SP100: variants seen among roughly 807,000 people sequenced by gnomAD.
The protein encoded by SP100 is SP100 nuclear body protein.
SP100 carries 84 observed loss-of-function variants against 130.0 expected under a neutral mutation model. The observed-to-expected ratio is 0.65, with a 90% CI of 0.54 to 0.77. The LOEUF is 0.77. Ranked by LOEUF, SP100 falls within the 30% of genes least tolerant of loss-of-function variation. The probability of loss-of-function intolerance (pLI) is 0.00; values close to 1 mark genes in which losing one functional copy is unlikely to be tolerated. For synonymous variants in SP100, 331 were observed against 351.7 expected, an observed-to-expected ratio of 0.94 and a Z score of 0.66; for missense variants, 978 against 1,052.2, an observed-to-expected ratio of 0.93 and a Z score of 0.97.
At chr2:230,462,081 A>C in intron 9 of SP100, among the ~76,000 whole-genome samples, 1 of 152,120 alleles carries the variant, frequency 6.6e-6, no homozygotes, top group Non-Finnish European at 1.5e-5. Flanking sequence ...CATCAAGACA[A>C]AGAGAGGTAT....
At chr2:230,443,594 G>C (rs556705812) in intron 3 of SP100, among the ~76,000 whole-genome samples, 232 of 152,294 alleles carry the variant, frequency 1.5e-3, no homozygotes, top group Non-Finnish European at 3.0e-3. Flanking sequence ...GTAGATGCTT[G>C]TTATTCTTTC....
rs1460405848 is a variant in SP100 at position 230,451,237 on chromosome 2, G to A, written c.820+982G>A. Among the ~76,000 whole-genome samples, 3 of 152,114 alleles carry A rather than the reference G, an allele frequency of 2.0e-5. No homozygotes were observed. In the East Asian group the frequency reaches 5.8e-4, roughly 29 times the overall value. ...CATACTGTTTTTCTTAGTGATTGTA[G>A]CAATTTACATTCCCACCAACAGTGT... On this transcript the variant is annotated intron_variant, in intron 8 of 28. Transcript: ENST00000340126.
At chr2:230,442,792 G>T in intron 2 of SP100, 145 bp from the exon 3 acceptor site, 3 of 650,584 alleles carry the variant, frequency 4.6e-6, no homozygotes, top group South Asian at 4.3e-5. Flanking sequence ...TGCTTCAATT[G>T]CATTTATTCT....
At chr2:230,456,213 G>A (rs1262064717) in intron 8 of SP100, among the ~76,000 whole-genome samples, 2 of 151,976 alleles carry the variant, frequency 1.3e-5, no homozygotes, top group East Asian at 3.9e-4. Flanking sequence ...TTCTTCCTTT[G>A]GCACTTTGAA....
Position 230,532,102 on chromosome 2 carries a change from C to CTAAT in SP100, c.2095-7164_2095-7161dup, listed in dbSNP as rs543122478. Among the ~76,000 whole-genome samples the CTAAT allele has an allele frequency of 3.4e-3, 523 of 151,914 alleles. 1 individual carries two copies. Among genetic ancestry groups the CTAAT allele is most frequent in the Non-Finnish European group, 5.4e-3 (366 of 67,966 alleles). On this transcript the variant is annotated intron_variant, in intron 24 of 28. Transcript: ENST00000340126. ...TATTTTCTCTATTTCTCTAAACTTC[C>CTAAT]TAATCTACCTTTGTCAGGTCTCCAA...
intron 24 of SP100, among the ~76,000 whole-genome samples, chr2:230,523,349 T>C (rs1691263329): frequency 6.6e-6 from 1 of 152,238 alleles, no homozygotes; most frequent in Admixed American, 6.5e-5. Context: ...TGTTATATGT[T>C]ATGCCTACCA....
chr2:230,465,073 T>A (rs2064869021), intron 11 of SP100, among the ~76,000 whole-genome samples: 1 of 151,972 alleles, frequency 6.6e-6, no homozygotes, highest in Non-Finnish European at 1.5e-5. Flanking sequence ...CTGTCTCTAC[T>A]AAAAATACAA....
chr2:230,500,782 C>T (rs1045141178), intron 19 of SP100, among the ~76,000 whole-genome samples: 3 of 152,134 alleles, frequency 2.0e-5, no homozygotes, highest in Non-Finnish European at 4.4e-5. Context: ...GTGTGGATGA[C>T]ATTTTACTGT....
At chr2:230,481,894 T>C (rs1225666889) in intron 17 of SP100, among the ~76,000 whole-genome samples, 1 of 152,168 alleles carries the variant, frequency 6.6e-6, no homozygotes. Flanking sequence ...GTAAGAATGG[T>C]TTCCTCTTAT....
At chr2:230,454,070 T>G (rs1158865890) in intron 8 of SP100, among the ~76,000 whole-genome samples, 4 of 152,196 alleles carry the variant, frequency 2.6e-5, no homozygotes, top group African/African-American at 9.6e-5. Context: ...GTTATCCAAT[T>G]TGTTGGCATT....
At chr2:230,542,154 T>A in intron 28 of SP100, 119 bp downstream of exon 28, 1 of 1,067,522 alleles carries the variant, frequency 9.4e-7, no homozygotes, top group Non-Finnish European at 1.4e-6. Flanking sequence ...GACAAGCCCA[T>A]ACAAGTACAA....
In SP100 at chr2:230,468,532, T is replaced by A. The variant is rs1459519347; in HGVS notation, c.1292-511T>A. 2.0e-5 allele frequency among the ~76,000 whole-genome samples: 3 copies of A among 151,956 alleles called. No homozygotes were observed. In the East Asian group the frequency reaches 5.8e-4, roughly 29 times the overall value. ...ATTAAAATATCTTTGAGGCCAGGTG[T>A]GGTGGCTCACGCCTATAATCCCAAC... On this transcript the variant is annotated intron_variant, in intron 13 of 28. Transcript: ENST00000340126.
At chr2:230,505,300 A>G (rs547223672) in intron 21 of SP100, among the ~76,000 whole-genome samples, 2 of 152,292 alleles carry the variant, frequency 1.3e-5, no homozygotes, top group South Asian at 4.1e-4. Context: ...CACCCACTAC[A>G]AGGGCAAGCA....
At chr2:230,468,941 T>G in intron 13 of SP100, 102 bp from the exon 14 acceptor site, 1 of 651,606 alleles carries the variant, frequency 1.5e-6, no homozygotes, top group Non-Finnish European at 2.6e-6. Context: ...ATGATCCTCA[T>G]AGAATATTTA....
chr2:230,494,370 T>C lies in SP100; in HGVS notation c.1601-46T>C, dbSNP rs779792836. 54 of 1,358,906 alleles carry C rather than the reference T, an allele frequency of 4.0e-5. 1 individual carries two copies. The highest frequency in any genetic ancestry group is 3.2e-4 in the South Asian group (27 of 85,378). 84.2% of individuals were successfully genotyped at this position (1,358,906 alleles called of 1,614,324 possible). A position where few individuals can be genotyped will look rare whatever the true frequency, so the allele number is the denominator to read the frequency against. ...ATTGACATATAAAGTGTGTAAATCT[T>C]TGTTTATAGTTCTAAAGGATTATTT... On this transcript the variant is annotated intron_variant, in intron 17 of 28. Transcript: ENST00000340126.
At chr2:230,534,338 G>A (rs905008763) in intron 24 of SP100, among the ~76,000 whole-genome samples, 10 of 152,176 alleles carry the variant, frequency 6.6e-5, no homozygotes, top group East Asian at 1.9e-4. Context: ...CCCAGGAGGC[G>A]GAGGTTGCAG....
intron 12 of SP100, among the ~76,000 whole-genome samples, 156 bp downstream of exon 12, chr2:230,466,510 A>G (rs1345248138): frequency 6.6e-6 from 1 of 152,228 alleles, no homozygotes; most frequent in Non-Finnish European, 1.5e-5. Flanking sequence ...TTCCTATTTT[A>G]GCCTTTGTAT....
At chr2:230,531,122 A>G (rs1183381241) in intron 24 of SP100, among the ~76,000 whole-genome samples, 3 of 152,206 alleles carry the variant, frequency 2.0e-5, no homozygotes, top group Non-Finnish European at 1.5e-5. Context: ...ATGCACACGT[A>G]TGTTTACTGC....
intron 17 of SP100, among the ~76,000 whole-genome samples, chr2:230,486,782 A>G (rs185262597): frequency 2.6e-4 from 39 of 152,324 alleles, no homozygotes; most frequent in Admixed American, 2.2e-3. Context: ...GAACTAATTT[A>G]CATTCCCATC....
Sources: gnomAD v4.1 joint callset for allele counts (sites outside exome capture counted in the v4.1 genomes callset) on GRCh38, gnomAD v4.1.1 for gene constraint, MANE v1.5 for transcripts, NCBI Gene and HGNC (gene_info 2026-07-23, HGNC 2026-07-21) for gene names.